The following ADAMTS16 variants were observed in gnomAD, a reference collection of about 807,000 sequenced individuals.
ADAMTS16 encodes ADAM metallopeptidase with thrombospondin type 1 motif 16.
In ADAMTS16, 94 loss-of-function variants were observed where a neutral mutation model predicts 145.8. The ratio of observed to expected loss-of-function variants is 0.64; its 90% CI spans 0.55 to 0.77. The LOEUF is 0.77. ADAMTS16 is among the 30% of genes least tolerant of loss of function. The pLI is 0.00. For synonymous variants in ADAMTS16, 659 were observed against 604.3 expected (o/e 1.09, Z -1.33); for missense variants, 1,585 against 1,591.5 (o/e 1.00, Z 0.07).
chr5:5,215,092 A>G (rs757077771), intron 10 of ADAMTS16, among the ~76,000 whole-genome samples: 3 of 152,236 alleles, frequency 2.0e-5, no homozygotes, highest in Non-Finnish European at 4.4e-5. Context: ...TTAAATAGCT[A>G]ACATTATTTC....
At chr5:5,220,404 C>T (rs1181062600) in intron 10 of ADAMTS16, among the ~76,000 whole-genome samples, 10 of 151,438 alleles carry the variant, frequency 6.6e-5, no homozygotes, top group Non-Finnish European at 7.4e-5. Context: ...GTGATCCGCC[C>T]GCCTCGGCCT....
At chr5:5,253,375 C>A (rs1161502601) in intron 17 of ADAMTS16, among the ~76,000 whole-genome samples, 1 of 152,154 alleles carries the variant, frequency 6.6e-6, no homozygotes, top group Non-Finnish European at 1.5e-5. Flanking sequence ...AGGTTGCATT[C>A]TTTTGTGTCC....
At chr5:5,234,690 T>C (rs1737041876) in intron 12 of ADAMTS16, among the ~76,000 whole-genome samples, 1 of 152,006 alleles carries the variant, frequency 6.6e-6, no homozygotes, top group Admixed American at 6.6e-5. Context: ...GCCAACATGG[T>C]GAAACCTCGT....
chr5:5,193,974 C>T (rs946090108), intron 8 of ADAMTS16, among the ~76,000 whole-genome samples: 3 of 151,870 alleles, frequency 2.0e-5, no homozygotes, highest in African/African-American at 4.8e-5. Context: ...TGGTGGTGTG[C>T]GTCTGTAGTC....
chr5:5,169,272 G>A (rs993102996), intron 3 of ADAMTS16, among the ~76,000 whole-genome samples: 40 of 152,282 alleles, frequency 2.6e-4, no homozygotes, highest in African/African-American at 9.4e-4. Flanking sequence ...AACGTAGAAG[G>A]AAATACTAGC....
intron 18 of ADAMTS16, among the ~76,000 whole-genome samples, chr5:5,284,406 G>T (rs554676498): frequency 3.7e-4 from 57 of 152,260 alleles, no homozygotes; most frequent in African/African-American, 1.3e-3. Flanking sequence ...TGTAAATTCT[G>T]TTTTACAATC....
intron 17 of ADAMTS16, among the ~76,000 whole-genome samples, chr5:5,261,550 A>C (rs561809190): frequency 8.1e-5 from 12 of 147,970 alleles, no homozygotes; most frequent in African/African-American, 3.0e-4. Context: ...GCAGTGGCAC[A>C]ATCTCTGCTC....
intron 4 of ADAMTS16, among the ~76,000 whole-genome samples, chr5:5,183,238 G>A (rs1425284611): frequency 6.6e-6 from 1 of 152,240 alleles, no homozygotes; most frequent in Non-Finnish European, 1.5e-5. Flanking sequence ...CAGGTGCAGG[G>A]GAGGTAGCAG....
In ADAMTS16 at chr5:5,318,168, G is replaced by T; in HGVS notation, c.3446G>T (p.Arg1149Met). ...AGCTGTGGGGGAGGCGTTCAGACGA[G>T]GTCCGTGCAGTGCCTGGCTGGGGGC... ...TASCGGGVQT[R>M]SVQCLAGGRP... The change falls in exon 22 of 23, where the codon AGG (arginine) becomes ATG (methionine). Residue 1149 changes from arginine to methionine, a missense_variant. Around this residue, in one of 3 missense-constraint regions of ADAMTS16, gnomAD observed 834 missense variants for 811.7 expected, o/e 1.03. Coordinates refer to ENST00000274181, the MANE Select transcript of ADAMTS16 (RefSeq NM_139056.4). The T allele has an allele frequency of 6.5e-7, 1 of 1,539,014 alleles. No homozygotes were observed. Among genetic ancestry groups the T allele is most frequent in the Non-Finnish European group, 8.8e-7 (1 of 1,138,898 alleles).
intron 3 of ADAMTS16, among the ~76,000 whole-genome samples, chr5:5,162,066 T>C (rs898991129): frequency 6.6e-6 from 1 of 152,192 alleles, no homozygotes. Flanking sequence ...AGCAAGCCTA[T>C]GGTGAATTCT....
intron 18 of ADAMTS16, among the ~76,000 whole-genome samples, chr5:5,296,480 C>A (rs1392671247): frequency 6.6e-6 from 1 of 152,064 alleles, no homozygotes; most frequent in African/African-American, 2.4e-5. Context: ...AAATTGACGC[C>A]ACAAAGGGGA....
At chr5:5,183,753 G>A (rs369896146) in intron 4 of ADAMTS16, among the ~76,000 whole-genome samples, 19 of 152,304 alleles carry the variant, frequency 1.2e-4, no homozygotes, top group East Asian at 5.8e-4. Context: ...CCACATCTGC[G>A]CGTGTGTGCA....
rs1017044240 is a variant in ADAMTS16 at position 5,204,159 on chromosome 5, T to C, written c.1451+3890T>C. ...AAGGTCTTTGGTGGGTAATATAACC[T>C]TTTCTGAGGGCCTCAGTCTTCTTAA... On this transcript the variant is annotated intron_variant, in intron 9 of 22. Coordinates refer to ENST00000274181, the MANE Select transcript of ADAMTS16 (RefSeq NM_139056.4). Among the ~76,000 whole-genome samples the C allele has an allele frequency of 8.5e-5, 13 of 152,266 alleles. 1 individual carries two copies. The highest frequency in any genetic ancestry group is 4.2e-4 in the South Asian group (2 of 4,818).
intron 3 of ADAMTS16, among the ~76,000 whole-genome samples, chr5:5,152,282 A>C (rs373050243): frequency 6.6e-6 from 1 of 151,894 alleles, no homozygotes; most frequent in South Asian, 2.1e-4. Flanking sequence ...TGACACCCTT[A>C]CTCTATGAGC....
chr5:5,179,023 A>G (rs913515462), intron 3 of ADAMTS16, among the ~76,000 whole-genome samples: 6 of 151,898 alleles, frequency 4.0e-5, no homozygotes, highest in Admixed American at 3.9e-4. Flanking sequence ...AGGGCGAAGC[A>G]TAATATTTTA....
chr5:5,183,548 G>T lies in ADAMTS16; in HGVS notation c.763+1243G>T, dbSNP rs147739352. Among the ~76,000 whole-genome samples the T allele has an allele frequency of 5.7e-4, 87 of 152,328 alleles. 1 individual carries two copies. The highest frequency in any genetic ancestry group is 2.0e-3 in the African/African-American group (82 of 41,582). ...GAGAGATAGCAGGGCCGTCTTAACC[G>T]CTTTGACAGACCACACACCAAGCTC... On this transcript the variant is annotated intron_variant, in intron 4 of 22. Coordinates refer to ENST00000274181, the MANE Select transcript of ADAMTS16 (RefSeq NM_139056.4).
intron 18 of ADAMTS16, among the ~76,000 whole-genome samples, chr5:5,299,719 C>A (rs6555352): frequency 0.74 from 112,312 of 151,978 alleles, 41,912 homozygotes; most frequent in South Asian, 0.82. Context: ...CAGTGGAGGT[C>A]CTGAGGGCCA....
intron 6 of ADAMTS16, 105 bp from the exon 7 acceptor site, chr5:5,189,866 A>G: frequency 7.2e-7 from 1 of 1,393,766 alleles, no homozygotes. Flanking sequence ...AGATCCAGCC[A>G]TGTATTTGAA....
chr5:5,173,641 T>C (rs890449792), intron 3 of ADAMTS16, among the ~76,000 whole-genome samples: 1 of 151,894 alleles, frequency 6.6e-6, no homozygotes, highest in Non-Finnish European at 1.5e-5. Context: ...GCCCAGCTAA[T>C]TTTTTGTATT....
Sources: gnomAD v4.1 joint callset for allele counts (sites outside exome capture counted in the v4.1 genomes callset) on GRCh38, gnomAD v4.1.1 for gene constraint, gnomAD v4.1.1 regional missense constraint, MANE v1.5 for transcripts, NCBI Gene and HGNC (gene_info 2026-07-23, HGNC 2026-07-21) for gene names.